Variants in CFAP47 observed in about 807,000 individuals in gnomAD.
CFAP47 encodes cilia and flagella associated protein 47, also known as cilia- and flagella-associated protein 47.
CFAP47 carries 29 observed loss-of-function variants against 148.1 expected under a neutral mutation model. That is an observed-to-expected ratio of 0.20 (90% CI 0.15 to 0.27). CFAP47 has a LOEUF of 0.27. Ranked by LOEUF, CFAP47 falls within the 10% of genes least tolerant of loss-of-function variation. The pLI is 1.00. For missense variants in CFAP47, 1,872 were observed against 1,697.5 expected (o/e 1.10, Z -1.81); for synonymous variants, 664 against 577.3 (o/e 1.15, Z -2.15).
chrX:36,026,645 C>A (rs1937219858), intron 22 of CFAP47, among the ~76,000 whole-genome samples: 1 of 110,803 alleles, frequency 9.0e-6, no homozygotes, highest in Non-Finnish European at 1.9e-5. Flanking sequence ...ATTTCTACTC[C>A]TTGTCATCCA....
chrX:35,952,083 T>G, intron 6 of CFAP47, 120 bp downstream of exon 6: 1 of 729,779 alleles, frequency 1.4e-6, no homozygotes, highest in Non-Finnish European at 1.9e-6. Context: ...ACAAGTCAGA[T>G]TTTTCTTGTC....
chrX:36,253,097 A>G (rs1555998465), intron 49 of CFAP47, among the ~76,000 whole-genome samples: 3 of 112,258 alleles, frequency 2.7e-5, no homozygotes, highest in African/African-American at 6.5e-5. Context: ...ATATTTCAAT[A>G]CATATTTTTA....
At chrX:36,274,286 G>A (rs1022456848) in intron 49 of CFAP47, among the ~76,000 whole-genome samples, 3 of 111,773 alleles carry the variant, frequency 2.7e-5, no homozygotes, top group Non-Finnish European at 5.7e-5. Context: ...ATTTGTGAGA[G>A]CACAGATGGT....
chrX:36,362,040 C>T (rs1602126538), intron 61 of CFAP47, among the ~76,000 whole-genome samples: 1 of 111,738 alleles, frequency 8.9e-6, no homozygotes, highest in African/African-American at 3.2e-5. Flanking sequence ...TTTCTGGACA[C>T]CTGTTACTCA....
intron 48 of CFAP47, among the ~76,000 whole-genome samples, chrX:36,243,635 TTA>T (rs1224872903): frequency 6.3e-5 from 5 of 79,943 alleles, no homozygotes; most frequent in Non-Finnish European, 1.2e-4. Flanking sequence ...AACTTAACTA[TTA>T]TATGTGTGTG....
chrX:36,267,505 G>T (rs1940907408), intron 49 of CFAP47, among the ~76,000 whole-genome samples: 1 of 93,710 alleles, frequency 1.1e-5, no homozygotes, highest in Non-Finnish European at 2.1e-5. Flanking sequence ...TTGAGACAGA[G>T]TCTTGCTCTG....
intron 57 of CFAP47, among the ~76,000 whole-genome samples, chrX:36,323,886 C>G (rs782088132): frequency 9.0e-6 from 1 of 111,209 alleles, no homozygotes; most frequent in Admixed American, 9.6e-5. Flanking sequence ...CCCTTTTATT[C>G]CTTTAAGCAA....
intron 58 of CFAP47, 31 bp from the exon 59 acceptor site, chrX:36,350,007 G>A (rs1243424679): frequency 3.3e-6 from 3 of 900,000 alleles, no homozygotes; most frequent in African/African-American, 4.0e-5. Flanking sequence ...TTCTCCTTTT[G>A]TTCCCTCTTA....
chrX:35,989,591 G>A (rs1705518274), intron 16 of CFAP47, 142 bp downstream of exon 16: 1 of 1,138,461 alleles, frequency 8.8e-7, no homozygotes, highest in Admixed American at 2.7e-5. Context: ...TTTTGTTAGA[G>A]CCTCTATAAA....
At chrX:36,013,312 A>G (rs762581994) in intron 21 of CFAP47, among the ~76,000 whole-genome samples, 12 of 111,837 alleles carry the variant, frequency 1.1e-4, no homozygotes, top group Non-Finnish European at 2.3e-4. Context: ...TAATTGTTTT[A>G]TGATTCACCT....
intron 22 of CFAP47, among the ~76,000 whole-genome samples, chrX:36,023,450 A>G (rs1320854994): frequency 9.1e-6 from 1 of 110,396 alleles, no homozygotes; most frequent in Admixed American, 9.7e-5. Flanking sequence ...TCCTATAGCC[A>G]CTCCCTGGCT....
rs1308557068 is a variant in CFAP47, at chrX:36,366,808, T to C, written c.9024-158T>C. The stretch of plus-strand genomic sequence containing the variant: ...CTCAAAAATTATTTATGAAATGTAA[T>C]TAAAAGTCATTTACATTATTTTTAA... On this transcript the variant is annotated intron_variant, in intron 61 of 63. Coordinates refer to ENST00000378653, the MANE Select transcript of CFAP47 (RefSeq NM_001304548.2). Among the ~76,000 whole-genome samples, 6 of 112,302 alleles carry C rather than the reference T, an allele frequency of 5.3e-5. No individual in the cohort carries two copies. The East Asian group carries it at 1.7e-3, about 31-fold the overall frequency.
In CFAP47 at chrX:35,919,847, C is replaced by T. The variant is rs777339285; in HGVS notation, c.48C>T (p.Ser16=). Residue 16 remains serine, a synonymous_variant, in exon 1 of 64, where the codon TCC becomes TCT. Coordinates refer to ENST00000378653, the MANE Select transcript of CFAP47 (RefSeq NM_001304548.2). ...GSLTINVHRG[S]LAMSIQRGSL... is the part of the protein sequence containing the mutation. ...TCACCATAAACGTCCACAGAGGTTC[C>T]CTCGCCATGAGCATCCAAAGGGGTT... The T allele has an allele frequency of 2.5e-6, 3 of 1,209,215 alleles. No individual in the cohort carries two copies. The highest frequency in any genetic ancestry group is 3.4e-6 in the Non-Finnish European group (3 of 894,328).
chrX:36,309,708 C>T (rs1348245975), intron 55 of CFAP47, among the ~76,000 whole-genome samples: 2 of 110,996 alleles, frequency 1.8e-5, no homozygotes, highest in East Asian at 2.8e-4. Flanking sequence ...TAAAGTAACA[C>T]GAGTTCTCCC....
At chrX:36,140,687 T>C (rs1342029762) in intron 35 of CFAP47, among the ~76,000 whole-genome samples, 2 of 111,888 alleles carry the variant, frequency 1.8e-5, no homozygotes, top group East Asian at 2.8e-4. Context: ...TGGTCCACCA[T>C]TGAATCCTGT....
intron 51 of CFAP47, among the ~76,000 whole-genome samples, chrX:36,292,337 A>G: frequency 8.9e-6 from 1 of 111,930 alleles, no homozygotes; most frequent in East Asian, 2.8e-4. Flanking sequence ...TAGGAAAATT[A>G]TTGACCCAGA....
At chrX:36,192,282 A>G (rs782360112) in intron 42 of CFAP47, among the ~76,000 whole-genome samples, 32 of 111,429 alleles carry the variant, frequency 2.9e-4, no homozygotes, top group Non-Finnish European at 5.3e-4. Context: ...TACAGAGCCA[A>G]TAATGTTTTG....
intron 21 of CFAP47, among the ~76,000 whole-genome samples, chrX:36,005,337 A>G (rs1327839590): frequency 2.0e-4 from 22 of 111,516 alleles, no homozygotes. Flanking sequence ...ACTTTCCTCT[A>G]AATACTGTTT....
chrX:36,138,664 C>T (rs996473075), intron 35 of CFAP47, among the ~76,000 whole-genome samples, 200 bp downstream of exon 35: 1 of 110,888 alleles, frequency 9.0e-6, no homozygotes. Flanking sequence ...TAATTATATA[C>T]ATCCAGCTGT....
Sources: allele counts gnomAD v4.1 joint callset (sites outside exome capture counted in the v4.1 genomes callset), GRCh38; gene constraint gnomAD v4.1.1; transcripts MANE v1.5; gene names NCBI Gene and HGNC (gene_info 2026-07-23, HGNC 2026-07-21).